The following RHBDD1 variants were observed in gnomAD, a reference collection of about 807,000 sequenced individuals.
RHBDD1 encodes the protein rhomboid-related protein 4.
RHBDD1 carries 38 observed loss-of-function variants against 36.3 expected under a neutral mutation model. The observed-to-expected ratio is 1.05, with a 90% CI of 0.81 to 1.37. The LOEUF is 1.37. RHBDD1 is among the 40% of genes most tolerant of loss of function. The pLI, the probability that RHBDD1 is intolerant of heterozygous loss-of-function variation, is 0.00. For missense variants in RHBDD1, 393 were observed against 377.6 expected (o/e 1.04, Z -0.34); for synonymous variants, 151 against 136.5 (o/e 1.11, Z -0.74).
At chr2:226,863,102 C>T (rs1944007630) in intron 3 of RHBDD1, among the ~76,000 whole-genome samples, 1 of 152,152 alleles carries the variant, frequency 6.6e-6, no homozygotes, top group Non-Finnish European at 1.5e-5. Context: ...AATCCCAGCA[C>T]TTTGGGAGGC....
At chr2:226,992,591 C>T (rs1958486548) in intron 8 of RHBDD1, among the ~76,000 whole-genome samples, 1 of 152,194 alleles carries the variant, frequency 6.6e-6, no homozygotes. Flanking sequence ...AGGAGACCCA[C>T]GTGGGAACTT....
At chr2:226,895,619 T>G (rs184638856) in intron 5 of RHBDD1, 66 of 966,854 alleles carry the variant, frequency 6.8e-5, no homozygotes, top group Non-Finnish European at 8.1e-5. Context: ...GTGATTTCAC[T>G]TACCTTTGCT....
Position 226,867,262 on chromosome 2 carries a change from A to G in RHBDD1, c.510A>G (p.Val170=). ...GGFVNILGFP[V]PNRFACWVEL... ...TTGTCAACATTTTGGGCTTTCCTGT[A>G]CCGAACAGATTTGCTTGTTGGGTCG... Residue 170 remains valine (V), a synonymous_variant, in exon 5 of 9, where the codon GTA becomes GTG. Coordinates refer to ENST00000392062, the MANE Select transcript of RHBDD1 (RefSeq NM_001167608.3). The G allele has an allele frequency of 1.2e-5, 19 of 1,613,834 alleles. No individual in the cohort carries two copies. The highest frequency in any genetic ancestry group is 1.6e-5 in the Non-Finnish European group (19 of 1,179,904).
At chr2:226,833,743 T>A (rs1286092501), upstream of RHBDD1, among the ~76,000 whole-genome samples, 2 of 152,258 alleles carry the variant, frequency 1.3e-5, no homozygotes, top group African/African-American at 4.8e-5. Context: ...CTTCTGGCAC[T>A]GATTCTTTGG....
chr2:226,828,651 C>CTAATTAGTT, the RHBDD1 span, among the ~76,000 whole-genome samples: 2 of 151,982 alleles, frequency 1.3e-5, no homozygotes, highest in Non-Finnish European at 2.9e-5. Flanking sequence ...TTGCATTTTC[C>CTAATTAGTT]AAATGACTAA....
chr2:226,866,277 G>C (rs542962387), intron 4 of RHBDD1, among the ~76,000 whole-genome samples: 1 of 152,074 alleles, frequency 6.6e-6, no homozygotes, highest in Non-Finnish European at 1.5e-5. Context: ...TCACCATGCT[G>C]GCCAGGATGG....
chr2:226,820,578 C>T, the RHBDD1 span, among the ~76,000 whole-genome samples: 6 of 134,728 alleles, frequency 4.5e-5, no homozygotes, highest in East Asian at 2.3e-4. Context: ...GAGGCTATGG[C>T]GGAAGGATCA....
intron 5 of RHBDD1, among the ~76,000 whole-genome samples, chr2:226,875,728 A>G (rs1448721463): frequency 6.6e-6 from 1 of 152,238 alleles, no homozygotes; most frequent in East Asian, 1.9e-4. Context: ...AAGAACAAAT[A>G]TAGGAAGCTT....
intron 5 of RHBDD1, among the ~76,000 whole-genome samples, chr2:226,891,196 C>T (rs1946651382): frequency 1.3e-5 from 2 of 152,174 alleles, no homozygotes; most frequent in African/African-American, 4.8e-5. Context: ...ACAGAAATCT[C>T]ATATGAAGGC....
intron 5 of RHBDD1, among the ~76,000 whole-genome samples, chr2:226,883,660 A>G (rs371199769): frequency 6.6e-5 from 10 of 152,346 alleles, no homozygotes; most frequent in African/African-American, 2.4e-4. Flanking sequence ...AGGCTTGTTA[A>G]TAATCAATTT....
intron 5 of RHBDD1, among the ~76,000 whole-genome samples, chr2:226,880,096 GTTT>G: frequency 1.3e-5 from 2 of 152,256 alleles, no homozygotes; most frequent in Admixed American, 1.3e-4. Flanking sequence ...ATGGTTTTCT[GTTT>G]ATATTGTAAG....
intron 8 of RHBDD1, among the ~76,000 whole-genome samples, chr2:226,936,340 T>C (rs1355566671): frequency 1.3e-5 from 2 of 152,136 alleles, no homozygotes; most frequent in African/African-American, 4.8e-5. Flanking sequence ...TACTTATATC[T>C]ACCTATACTT....
At chr2:226,805,223 G>A in the RHBDD1 span, among the ~76,000 whole-genome samples, 10,063 of 152,076 alleles carry the variant, frequency 0.066, 384 homozygotes, top group East Asian at 0.13. Flanking sequence ...TGTTTGTTTT[G>A]TTTTGTTTTG....
intron 5 of RHBDD1, among the ~76,000 whole-genome samples, chr2:226,875,671 G>T (rs144934980): frequency 6.6e-6 from 1 of 152,280 alleles, no homozygotes; most frequent in African/African-American, 2.4e-5. Context: ...GGAAATAATA[G>T]GGCAGATGAT....
intron 5 of RHBDD1, among the ~76,000 whole-genome samples, chr2:226,874,872 CTGTGCG>C (rs1289270277): frequency 2.6e-5 from 4 of 152,164 alleles, no homozygotes; most frequent in Non-Finnish European, 5.9e-5. Flanking sequence ...GTGTCTCAGC[CTGTGCG>C]TGTGCGCCTC....
intron 3 of RHBDD1, among the ~76,000 whole-genome samples, chr2:226,847,441 A>G (rs1052143455): frequency 1.5e-5 from 2 of 135,892 alleles, no homozygotes; most frequent in Non-Finnish European, 3.0e-5. Context: ...TTCAATATTG[A>G]CATATATTTT....
At chr2:226,817,653 G>A in the RHBDD1 span, among the ~76,000 whole-genome samples, 1 of 152,200 alleles carries the variant, frequency 6.6e-6, no homozygotes, top group Non-Finnish European at 1.5e-5. Context: ...TTTAAACGGA[G>A]CTGTCTCTGC....
chr2:226,836,828 C>G (rs532970666), intron 1 of RHBDD1, among the ~76,000 whole-genome samples: 1 of 152,118 alleles, frequency 6.6e-6, no homozygotes, highest in Non-Finnish European at 1.5e-5. Context: ...AGTTGTGTGT[C>G]TTTTTGAGGT....
intron 7 of RHBDD1, among the ~76,000 whole-genome samples, chr2:226,912,294 G>A (rs1014385646): frequency 1.3e-5 from 2 of 152,152 alleles, no homozygotes; most frequent in Admixed American, 6.5e-5. Context: ...AAAACATTCT[G>A]GCGATTCCTC....
Sources: gnomAD v4.1 joint callset for allele counts (sites outside exome capture counted in the v4.1 genomes callset) on GRCh38, gnomAD v4.1.1 for gene constraint, MANE v1.5 for transcripts, NCBI Gene and HGNC (gene_info 2026-07-23, HGNC 2026-07-21) for gene names.